RUFY1: variants seen among roughly 807,000 people sequenced by gnomAD.
RUFY1 encodes the protein RUN and FYVE domain-containing protein 1.
RUFY1 carries 54 observed loss-of-function variants against 94.6 expected under a neutral mutation model. The ratio of observed to expected loss-of-function variants is 0.57; its 90% CI spans 0.46 to 0.72. The LOEUF is 0.72. Among genes scored for constraint, RUFY1 ranks in the 30% least tolerant of loss-of-function variants. The pLI is 0.00. For synonymous variants in RUFY1, 396 were observed against 347.3 expected, an observed-to-expected ratio of 1.14 and a Z score of -1.56; for missense variants, 883 against 883.9, an observed-to-expected ratio of 1.00 and a Z score of 0.01.
intron 6 of RUFY1, among the ~76,000 whole-genome samples, chr5:179,580,408 A>G (rs1261067876): frequency 6.6e-6 from 1 of 151,178 alleles, no homozygotes; most frequent in African/African-American, 2.4e-5. Context: ...ACGCCCGGCT[A>G]ATTTTTTGTA....
intron 1 of RUFY1, among the ~76,000 whole-genome samples, chr5:179,556,057 G>A (rs959382434): frequency 2.4e-4 from 37 of 151,970 alleles, no homozygotes; most frequent in African/African-American, 8.7e-4. Context: ...AAGTTGCTCA[G>A]AATTCATTTT....
intron 11 of RUFY1, among the ~76,000 whole-genome samples, chr5:179,594,435 T>A (rs1765384401): frequency 6.7e-6 from 1 of 150,038 alleles, no homozygotes; most frequent in South Asian, 2.1e-4. Flanking sequence ...AAGGGAACTG[T>A]CCCAGACAGA....
intron 15 of RUFY1, among the ~76,000 whole-genome samples, chr5:179,603,971 C>T (rs1766740521): frequency 6.6e-6 from 1 of 152,162 alleles, no homozygotes; most frequent in Non-Finnish European, 1.5e-5. Context: ...GCAGGAGAAT[C>T]GCTTGAACCT....
intron 17 of RUFY1, 29 bp from the exon 18 acceptor site, chr5:179,609,347 C>A: frequency 6.2e-7 from 1 of 1,608,358 alleles, no homozygotes; most frequent in Non-Finnish European, 8.5e-7. Flanking sequence ...CCCCGGGTGT[C>A]CTGTGACCGC....
At chr5:179,557,457 T>C (rs955087319) in intron 1 of RUFY1, among the ~76,000 whole-genome samples, 1 of 152,170 alleles carries the variant, frequency 6.6e-6, no homozygotes. Flanking sequence ...TATCAAGGGA[T>C]AATTTCACTT....
At chr5:179,554,861 G>A (rs1022480377) in intron 1 of RUFY1, among the ~76,000 whole-genome samples, 1 of 151,604 alleles carries the variant, frequency 6.6e-6, no homozygotes, top group Admixed American at 6.6e-5. Flanking sequence ...CCAGCTGCTC[G>A]GGAGGCTGAG....
At chr5:179,570,024 G>A (rs1403918005) in intron 5 of RUFY1, among the ~76,000 whole-genome samples, 5 of 151,468 alleles carry the variant, frequency 3.3e-5, no homozygotes, top group Non-Finnish European at 5.9e-5. Context: ...GATTACAGGC[G>A]TGAGCCACTG....
At chr5:179,579,476 G>A (rs1464388709) in intron 6 of RUFY1, among the ~76,000 whole-genome samples, 5 of 151,186 alleles carry the variant, frequency 3.3e-5, no homozygotes, top group Admixed American at 1.3e-4. Context: ...GATTACAGGC[G>A]CCCGCCACCT....
chr5:179,603,929 C>CAT (rs1766735082), intron 15 of RUFY1, among the ~76,000 whole-genome samples: 1 of 152,078 alleles, frequency 6.6e-6, no homozygotes, highest in South Asian at 2.1e-4. Context: ...TGGTGGAGCG[C>CAT]GCCTGTAATC....
At position 179,550,742 on chromosome 5, in the gene RUFY1, C is replaced by T. The variant is rs752984613; in HGVS notation, c.173C>T (p.Ala58Val). 1.4e-6 allele frequency: 2 copies of T among 1,455,822 alleles called. No homozygotes were observed. The highest frequency in any genetic ancestry group is 1.8e-6 in the Non-Finnish European group (2 of 1,105,172). The allele number at this position is 1,455,822 out of a possible 1,614,324, so 90.2% of individuals were successfully genotyped here. ...GDLRSATRPR[A>V]AEGWSAPILT... ...CTGCGGAGCGCAACGAGGCCGCGGG[C>T]GGCCGAGGGCTGGTCGGCGCCCATC... Residue 58 changes from alanine to valine, a missense_variant, in exon 1 of 18, where the codon GCG becomes GTG. By Grantham distance (64) the Ala-to-Val change is moderately conservative. Coordinates refer to ENST00000319449, the MANE Select transcript of RUFY1 (RefSeq NM_025158.5).
At chr5:179,555,950 G>A (rs538298955) in intron 1 of RUFY1, among the ~76,000 whole-genome samples, 5 of 151,764 alleles carry the variant, frequency 3.3e-5, no homozygotes, top group South Asian at 4.2e-4. Context: ...TGCCCACCTC[G>A]GCCTCCCAAA....
intron 8 of RUFY1, chr5:179,586,345 A>G (rs1401012319): frequency 2.2e-6 from 1 of 456,882 alleles, no homozygotes; most frequent in Non-Finnish European, 4.4e-6. Context: ...AGAGAATGAA[A>G]GGACAGGACA....
At chr5:179,566,149 A>G (rs369638045) in intron 3 of RUFY1, among the ~76,000 whole-genome samples, 1 of 151,956 alleles carries the variant, frequency 6.6e-6, no homozygotes, top group African/African-American at 2.4e-5. Flanking sequence ...AAAAAAAAAA[A>G]GAAAGTTGTG....
intron 11 of RUFY1, among the ~76,000 whole-genome samples, chr5:179,594,536 C>T (rs796832734): frequency 1.4e-5 from 2 of 144,398 alleles, no homozygotes; most frequent in Admixed American, 7.2e-5. Context: ...CCAAGGCAGG[C>T]GGATCACGAC....
At chr5:179,607,535 A>G (rs369808630) in intron 16 of RUFY1, 47 bp from the exon 17 acceptor site, 91 of 1,547,738 alleles carry the variant, frequency 5.9e-5, no homozygotes, top group Non-Finnish European at 7.9e-5. Flanking sequence ...CCCACTCATC[A>G]GGGGCTTAGA....
intron 13 of RUFY1, 171 bp downstream of exon 13, chr5:179,596,852 A>T: frequency 3.5e-6 from 3 of 860,706 alleles, no homozygotes; most frequent in Non-Finnish European, 5.0e-6. Flanking sequence ...ATCCCTAGGG[A>T]GCTCCCTCCC....
chr5:179,553,875 G>A (rs941698401), intron 1 of RUFY1, among the ~76,000 whole-genome samples: 7 of 152,204 alleles, frequency 4.6e-5, no homozygotes, highest in African/African-American at 1.7e-4. Context: ...ACAAAGAGAT[G>A]AAATTTGGGG....
At chr5:179,556,397 T>C (rs891066205) in intron 1 of RUFY1, among the ~76,000 whole-genome samples, 3 of 152,134 alleles carry the variant, frequency 2.0e-5, no homozygotes, top group South Asian at 2.1e-4. Context: ...TGTATAAAAA[T>C]TTTTCTTCTG....
At chr5:179,602,867 C>G (rs1766588985) in intron 15 of RUFY1, 1 of 152,240 alleles carries the variant, frequency 6.6e-6, no homozygotes. Context: ...CGAGATTGAC[C>G]CTGCTCCCGA....
Sources: allele counts gnomAD v4.1 joint callset (sites outside exome capture counted in the v4.1 genomes callset), GRCh38; gene constraint gnomAD v4.1.1; transcripts MANE v1.5; gene names NCBI Gene and HGNC (gene_info 2026-07-23, HGNC 2026-07-21).